Variants in FSIP2 observed in about 807,000 individuals in gnomAD.
The protein encoded by FSIP2 is fibrous sheath interacting protein 2.
A neutral mutation model predicts 510.5 loss-of-function variants in FSIP2; 367 were observed. The ratio of observed to expected loss-of-function variants is 0.72; its 90% CI spans 0.66 to 0.78. The LOEUF is 0.78. Ranked by LOEUF, FSIP2 falls within the 30% of genes least tolerant of loss-of-function variation. FSIP2 has a pLI of 0.00. For missense variants in FSIP2, 7,594 were observed against 7,901.7 expected (o/e 0.96, Z 1.48); for synonymous variants, 2,601 against 2,732.2 (o/e 0.95, Z 1.50).
At position 185,788,986 on chromosome 2, in the gene FSIP2, T is replaced by A; in HGVS notation, c.1850T>A (p.Ile617Lys). The A allele has an allele frequency of 1.3e-6, 2 of 1,534,416 alleles. No individual in the cohort carries two copies. Among genetic ancestry groups the A allele is most frequent in the Non-Finnish European group, 1.7e-6 (2 of 1,145,672 alleles). Reference protein sequence around the residue: ...EKTVVGKTCHIKGQSIISKHK... With the variant: ...EKTVVGKTCHKKGQSIISKHK... ...ACAGTTGTGGGGAAAACATGTCACA[T>A]AAAAGGACAATCTATAATCTCTAAA... The change falls in exon 16 of 23, where the codon ATA becomes AAA. Residue 617 changes from isoleucine (I) to lysine (K), a missense_variant. Coordinates refer to ENST00000424728, the MANE Select transcript of FSIP2 (RefSeq NM_173651.4).
intron 6 of FSIP2, 54 bp from the exon 7 acceptor site, chr2:185,747,259 A>C (rs1173644739): frequency 2.0e-6 from 2 of 985,664 alleles, no homozygotes; most frequent in Non-Finnish European, 3.1e-6. Flanking sequence ...CAAAATACAA[A>C]GATATTGTTG....
At chr2:185,781,834 A>T (rs994602150) in intron 13 of FSIP2, among the ~76,000 whole-genome samples, 2 of 137,902 alleles carry the variant, frequency 1.5e-5, no homozygotes, top group South Asian at 2.5e-4. Context: ...ATTTTCAGGT[A>T]TGGGCACTCT....
chr2:185,789,580 C>A lies in FSIP2; in HGVS notation c.2444C>A (p.Pro815Gln). ...AATTCAATGCCTCATACTTTGGACC[C>A]AATGTGTGATATTGCAGAGGACATG... ...LKNSMPHTLD[P>Q]MCDIAEDMVH... Residue 815 changes from proline (P) to glutamine (Q), a missense_variant, in exon 16 of 23, where the codon CCA becomes CAA. Pro to Gln is a moderately conservative substitution (Grantham distance 76, BLOSUM62 -1). Transcript: ENST00000424728. The A allele has an allele frequency of 6.5e-7, 1 of 1,534,842 alleles. No individual in the cohort carries two copies. The highest frequency in any genetic ancestry group is 8.7e-7 in the Non-Finnish European group (1 of 1,145,924).
At chr2:185,759,790 T>C (rs998154510) in intron 9 of FSIP2, among the ~76,000 whole-genome samples, 1 of 150,366 alleles carries the variant, frequency 6.7e-6, no homozygotes, top group Non-Finnish European at 1.5e-5. Context: ...CTGATGTCAG[T>C]GTATGAGATA....
rs1266506218 is a variant in FSIP2 at position 185,796,443 on chromosome 2, C to G, written c.9307C>G (p.Gln3103Glu). ...IKNKLDNEIS[Q>E]MEPSSISILK... ...GAACAAGCTAGACAACGAAATAAGC[C>G]AAATGGAACCATCTTCAATTAGCAT... The change falls in exon 16 of 23, where the codon CAA becomes GAA. Residue 3103 changes from glutamine to glutamate, a missense_variant. By Grantham distance (29) the Gln-to-Glu change is conservative (BLOSUM62 2). Transcript: ENST00000424728. 4 of 1,534,614 alleles carry G rather than the reference C, an allele frequency of 2.6e-6. No homozygotes were observed. The Admixed American group carries it at 7.9e-5, about 30-fold the overall frequency.
chr2:185,775,963 AG>A (rs1427307235), intron 13 of FSIP2, among the ~76,000 whole-genome samples: 3 of 152,186 alleles, frequency 2.0e-5, no homozygotes, highest in African/African-American at 7.2e-5. Context: ...GCACCTGGCC[AG>A]GTTTTTATTT....
At chr2:185,757,423 A>G (rs1041519564) in intron 9 of FSIP2, among the ~76,000 whole-genome samples, 8 of 151,460 alleles carry the variant, frequency 5.3e-5, no homozygotes, top group Non-Finnish European at 1.2e-4. Flanking sequence ...AATGTGATTC[A>G]TATCAGAATT....
At chr2:185,738,698 ACGCGCTGG>A, upstream of FSIP2, 1 of 1,536,056 alleles carries the variant, frequency 6.5e-7, no homozygotes, top group South Asian at 1.2e-5. Context: ...CGGGCGCTCT[ACGCGCTGG>A]CGCGAGCCGC....
chr2:185,820,406 T>C (rs1407310363), intron 19 of FSIP2, among the ~76,000 whole-genome samples: 2 of 151,942 alleles, frequency 1.3e-5, no homozygotes, highest in African/African-American at 4.8e-5. Context: ...GGCAGACCTT[T>C]ATAGCAGCAT....
chr2:185,764,492 A>C lies in FSIP2; in HGVS notation c.1348-10A>C. ...TGGATCTATTTGTTTTGCTGTTGTGAATTATGTAGAAGGAGACAAATGCTG... is the reference window on the plus strand; with the variant it reads ...TGGATCTATTTGTTTTGCTGTTGTGCATTATGTAGAAGGAGACAAATGCTG... On this transcript the variant is annotated splice_polypyrimidine_tract_variant and intron_variant, in intron 12 of 22. Transcript: ENST00000424728. 2.0e-6 allele frequency: 3 copies of C among 1,520,270 alleles called. No individual in the cohort carries two copies. The highest frequency in any genetic ancestry group is 2.5e-5 in the East Asian group (1 of 40,494). The allele number at this position is 1,520,270 out of a possible 1,614,324, so 94.2% of individuals were successfully genotyped here.
chr2:185,756,833 C>CA (rs1237293427), intron 9 of FSIP2, among the ~76,000 whole-genome samples: 7 of 151,130 alleles, frequency 4.6e-5, no homozygotes, highest in Non-Finnish European at 1.0e-4. Context: ...TATTAAATTT[C>CA]AAAGAAAAAA....
In FSIP2 at chr2:185,808,527, G is replaced by A. The variant is rs1177303775; in HGVS notation, c.19221G>A (p.Glu6407=). The change falls in exon 17 of 23, where the codon GAG becomes GAA. Residue 6407 remains glutamate (E), a synonymous_variant. Transcript: ENST00000424728. The part of the protein sequence containing the change: ...SISLIASDPE[E]HCLNPENTER... ...GTCTAATAGCTTCTGATCCTGAAGAGCACTGTTTAAATCCAGAAAATACAG... is the reference window on the plus strand; with the variant it reads ...GTCTAATAGCTTCTGATCCTGAAGAACACTGTTTAAATCCAGAAAATACAG... 2 of 1,612,338 alleles carry A rather than the reference G, an allele frequency of 1.2e-6. No individual in the cohort carries two copies. Among genetic ancestry groups the A allele is most frequent in the Non-Finnish European group, 1.7e-6 (2 of 1,179,270 alleles).
In FSIP2 at chr2:185,793,591, T is replaced by A. The variant is rs1693191718; in HGVS notation, c.6455T>A (p.Val2152Asp). 2 of 1,534,176 alleles carry A rather than the reference T, an allele frequency of 1.3e-6. No individual in the cohort carries two copies. The highest frequency in any genetic ancestry group is 1.7e-6 in the Non-Finnish European group (2 of 1,145,620). ...IPKLSVPKSD[V>D]ILISNDIVNI... ...AAGCTTTCAGTTCCTAAATCAGATG[T>A]CATTTTGATATCCAATGATATAGTG... The change falls in exon 16 of 23, where the codon GTC becomes GAC. Residue 2152 changes from valine (V) to aspartate (D), a missense_variant. By Grantham distance (152) the Val-to-Asp change is radical (BLOSUM62 -3). Transcript: ENST00000424728.
At chr2:185,753,979 ATAGTT>A in intron 8 of FSIP2, 137 bp downstream of exon 8, 1 of 501,848 alleles carries the variant, frequency 2.0e-6, no homozygotes. Flanking sequence ...TTTCTGTAGT[ATAGTT>A]CAAGTTGAAA....
chr2:185,789,188 T>C lies in FSIP2; in HGVS notation c.2052T>C (p.Asp684=), dbSNP rs777647587. Residue 684 remains aspartate (D), a synonymous_variant, in exon 16 of 23, where the codon GAT becomes GAC. Transcript: ENST00000424728. ...LHCDKTAKAM[D]EMKNLKNVFV... ...GTGATAAAACAGCAAAAGCCATGGA[T>C]GAAATGAAGAATTTAAAAAATGTTT... is the stretch of plus-strand genomic sequence containing the variant. 3 of 1,534,580 alleles carry C rather than the reference T, an allele frequency of 2.0e-6. No homozygotes were observed. Among genetic ancestry groups the C allele is most frequent in the South Asian group, 1.2e-5 (1 of 84,010 alleles).
At chr2:185,827,052 C>T (rs909395883) in intron 20 of FSIP2, among the ~76,000 whole-genome samples, 9 of 151,680 alleles carry the variant, frequency 5.9e-5, no homozygotes, top group Admixed American at 2.0e-4. Flanking sequence ...GCACATATAC[C>T]CTAGAAACTT....
chr2:185,796,244 C>T lies in FSIP2; in HGVS notation c.9108C>T (p.Asn3036=). 6.5e-7 allele frequency: 1 copy of T among 1,530,106 alleles called. No individual in the cohort carries two copies. The highest frequency in any genetic ancestry group is 8.7e-7 in the Non-Finnish European group (1 of 1,144,766). 94.8% of individuals were successfully genotyped at this position (1,530,106 alleles called of 1,614,324 possible). Residue 3036 remains asparagine (N), a synonymous_variant, in exon 16 of 23, where the codon AAC becomes AAT. Transcript: ENST00000424728. ...CTTCTATCCAACAGAAACTGTTAAA[C>T]AAAAAAATGTTGCCAAAATTACAAC... The part of the protein sequence containing the change: ...NLSSIQQKLL[N]KKMLPKLQPL...
At chr2:185,761,555 G>A (rs1692350993) in intron 10 of FSIP2, among the ~76,000 whole-genome samples, 1 of 151,132 alleles carries the variant, frequency 6.6e-6, no homozygotes, top group Non-Finnish European at 1.5e-5. Flanking sequence ...AAATTATCCT[G>A]GAATGATGAA....
intron 13 of FSIP2, among the ~76,000 whole-genome samples, chr2:185,769,305 C>G (rs1349140363): frequency 6.6e-6 from 1 of 152,034 alleles, no homozygotes; most frequent in Non-Finnish European, 1.5e-5. Context: ...CTATTATTTT[C>G]TTTTTAATAC....
Sources: allele counts gnomAD v4.1 joint callset (sites outside exome capture counted in the v4.1 genomes callset), GRCh38; gene constraint gnomAD v4.1.1; transcripts MANE v1.5; gene names NCBI Gene and HGNC (gene_info 2026-07-23, HGNC 2026-07-21).